The following SHROOM2 variants were observed in gnomAD, a reference collection of about 807,000 sequenced individuals.
The protein encoded by SHROOM2 is shroom family member 2, also known as protein Shroom2.
A neutral mutation model predicts 75.9 loss-of-function variants in SHROOM2; 33 were observed. The ratio of observed to expected loss-of-function variants is 0.43; its 90% CI spans 0.33 to 0.58. The LOEUF (loss-of-function observed/expected upper bound fraction) is 0.58, where lower values mean the gene tolerates loss of function less well. Ranked by LOEUF, SHROOM2 falls within the 20% of genes least tolerant of loss-of-function variation. The probability of loss-of-function intolerance (pLI) is 0.04; values close to 1 mark genes in which losing one functional copy is unlikely to be tolerated. For missense variants in SHROOM2, 1,434 were observed against 1,461.2 expected (o/e 0.98, Z 0.30); for synonymous variants, 655 against 663.6 (o/e 0.99, Z 0.20).
chrX:9,855,295 TAAAAAAAAA>T (rs57235424), intron 1 of SHROOM2, among the ~76,000 whole-genome samples: 7 of 39,299 alleles, frequency 1.8e-4, no homozygotes, highest in East Asian at 8.7e-4. Flanking sequence ...TAAAGTATAG[TAAAAAAAAA>T]AAAAAAAAAA....
Position 9,932,599 on chromosome X carries a change from G to A in SHROOM2, c.3316G>A (p.Val1106Met). 1.7e-6 allele frequency: 2 copies of A among 1,211,628 alleles called. No homozygotes were observed. The highest frequency in any genetic ancestry group is 1.1e-6 in the Non-Finnish European group (1 of 895,378). ...TPSPASLDVYVARLSLSHSPS... is the reference protein window; with the variant it reads ...TPSPASLDVYMARLSLSHSPS... ...ATCCCCTGCGTCCCTGGATGTGTATGTGGCCCGCCTGTCCCTCTCCCACAG... is the reference window on the plus strand; with the variant it reads ...ATCCCCTGCGTCCCTGGATGTGTATATGGCCCGCCTGTCCCTCTCCCACAG... The change falls in exon 6 of 10, where the codon GTG becomes ATG. Residue 1106 changes from valine (V) to methionine (M), a missense_variant. By Grantham distance (21) the Val-to-Met change is conservative. Transcript: ENST00000380913.
chrX:9,904,058 G>A (rs1226669898), intron 5 of SHROOM2, among the ~76,000 whole-genome samples: 1 of 111,452 alleles, frequency 9.0e-6, no homozygotes, highest in Non-Finnish European at 1.9e-5. Flanking sequence ...CAGGGAGGCA[G>A]ATCCACAAAG....
chrX:9,940,139 A>G (rs1450605385), intron 8 of SHROOM2, among the ~76,000 whole-genome samples: 1 of 111,840 alleles, frequency 8.9e-6, no homozygotes, highest in Admixed American at 9.5e-5. Flanking sequence ...TTAAGGGTTT[A>G]GGTCTTGGGG....
intron 1 of SHROOM2, among the ~76,000 whole-genome samples, chrX:9,801,815 C>T (rs1431384185): frequency 2.7e-5 from 3 of 109,435 alleles, no homozygotes; most frequent in African/African-American, 6.6e-5. Flanking sequence ...ATTAGCCAGG[C>T]GTTGGTGACT....
rs1035679943 is a variant in SHROOM2, at chrX:9,896,450, C to T, written c.2542C>T (p.Leu848Phe). The change falls in exon 4 of 10, where the codon CTT becomes TTT. Residue 848 changes from leucine to phenylalanine, a missense_variant. Around this residue, in one of 3 missense-constraint regions of SHROOM2, gnomAD observed 1,340 missense variants for 1,338.3 expected, o/e 1.00. Transcript: ENST00000380913. ...GTEPWSRTTS[L>F]GDSLNAHSAA... ...GGAGCCCTGGTCGCGCACCACCTCCCTTGGGGACAGCCTCAACGCTCACAG... is the reference window on the plus strand; with the variant it reads ...GGAGCCCTGGTCGCGCACCACCTCCTTTGGGGACAGCCTCAACGCTCACAG... The T allele has an allele frequency of 8.3e-7, 1 of 1,210,706 alleles. No individual in the cohort carries two copies. Among genetic ancestry groups the T allele is most frequent in the Non-Finnish European group, 1.1e-6 (1 of 895,265 alleles).
At chrX:9,912,097 C>G (rs1394201692) in intron 5 of SHROOM2, among the ~76,000 whole-genome samples, 1 of 85,562 alleles carries the variant, frequency 1.2e-5, no homozygotes, top group African/African-American at 4.6e-5. Context: ...AGAGCAAGAT[C>G]CTTTCTCCAA....
intron 1 of SHROOM2, among the ~76,000 whole-genome samples, chrX:9,791,899 G>A (rs1367611714): frequency 1.8e-5 from 2 of 108,129 alleles, no homozygotes; most frequent in African/African-American, 6.8e-5. Flanking sequence ...GGAGGCTCCC[G>A]GGAGGCAGAG....
chrX:9,860,653 A>ACCT (rs1376553165), intron 1 of SHROOM2, among the ~76,000 whole-genome samples: 1 of 111,564 alleles, frequency 9.0e-6, no homozygotes, highest in African/African-American at 3.3e-5. Flanking sequence ...TGAACTCCTG[A>ACCT]CCTCAAGTGA....
intron 1 of SHROOM2, among the ~76,000 whole-genome samples, chrX:9,802,633 G>T (rs1280506073): frequency 8.9e-6 from 1 of 111,791 alleles, no homozygotes; most frequent in Non-Finnish European, 1.9e-5. Context: ...TGAGAGTGGG[G>T]ACTGGCTCTG....
At chrX:9,835,489 ATGCCATC>A (rs2083939074) in intron 1 of SHROOM2, among the ~76,000 whole-genome samples, 1 of 112,463 alleles carries the variant, frequency 8.9e-6, no homozygotes. Flanking sequence ...GTTAATTCTT[ATGCCATC>A]TTACAGGGCC....
At chrX:9,873,350 G>C (rs2084181200) in intron 1 of SHROOM2, among the ~76,000 whole-genome samples, 1 of 112,545 alleles carries the variant, frequency 8.9e-6, no homozygotes, top group African/African-American at 3.2e-5. Flanking sequence ...ATTTAAAATG[G>C]TCAAAAATTA....
intron 1 of SHROOM2, among the ~76,000 whole-genome samples, chrX:9,851,446 C>CTTTTTTTTTTTTTTT (rs746715538): frequency 3.2e-5 from 2 of 63,181 alleles, no homozygotes; most frequent in Non-Finnish European, 2.8e-5. Flanking sequence ...CAGGATATTG[C>CTTTTTTTTTTTTTTT]TTTTTTTTTT....
chrX:9,835,566 C>T (rs986567005), intron 1 of SHROOM2, among the ~76,000 whole-genome samples: 3 of 112,393 alleles, frequency 2.7e-5, no homozygotes, highest in African/African-American at 9.7e-5. Flanking sequence ...TTGTATACCT[C>T]AAAGAAGGGT....
intron 1 of SHROOM2, among the ~76,000 whole-genome samples, chrX:9,856,553 T>C (rs2084071382): frequency 8.9e-6 from 1 of 111,977 alleles, no homozygotes; most frequent in Non-Finnish European, 1.9e-5. Context: ...TCTGGACTTA[T>C]ATAATGATGA....
chrX:9,823,255 T>A (rs1299632276), intron 1 of SHROOM2, among the ~76,000 whole-genome samples: 3 of 106,235 alleles, frequency 2.8e-5, no homozygotes, highest in African/African-American at 1.0e-4. Flanking sequence ...TTCTTCTTCA[T>A]ATTTTTAGAG....
chrX:9,919,345 T>C (rs1178537280), intron 5 of SHROOM2, among the ~76,000 whole-genome samples: 2 of 91,434 alleles, frequency 2.2e-5, no homozygotes, highest in Non-Finnish European at 4.3e-5. Flanking sequence ...TTTTTTTTTT[T>C]TTTTTGAGAT....
rs12012202 is a variant in SHROOM2, at chrX:9,944,752, A to G, written c.4423A>G (p.Ile1475Val). 0.028 allele frequency: 34,432 copies of G among 1,210,718 alleles called. 2,795 individuals are homozygous for G. The East Asian group carries it at 0.36, about 13-fold the overall frequency. Residue 1475 changes from isoleucine to valine, a missense_variant, in exon 9 of 10, where the codon ATC (isoleucine) becomes GTC (valine). Coordinates refer to ENST00000380913, the MANE Select transcript of SHROOM2 (RefSeq NM_001649.4). The part of the protein sequence containing the change: ...NTVLGAEVEA[I>V]VKGVCKPSEF... ...CGTGCTGGGGGCCGAGGTGGAGGCC[A>G]TCGTGAAAGGCGTCTGCAAGCCCAG... is the stretch of plus-strand genomic sequence containing the variant.
intron 2 of SHROOM2, among the ~76,000 whole-genome samples, chrX:9,875,447 G>A (rs2084195654): frequency 9.0e-6 from 1 of 111,508 alleles, no homozygotes; most frequent in Non-Finnish European, 1.9e-5. Flanking sequence ...TCATCATCCC[G>A]CTGCCAAGGC....
intron 6 of SHROOM2, among the ~76,000 whole-genome samples, chrX:9,933,617 C>CA (rs141637114): frequency 0.093 from 10,361 of 111,136 alleles, 457 homozygotes; most frequent in East Asian, 0.22. Context: ...ACTAAAACTA[C>CA]AAAAAATTAG....
Sources: allele counts gnomAD v4.1 joint callset (sites outside exome capture counted in the v4.1 genomes callset), GRCh38; gene constraint gnomAD v4.1.1; regional missense constraint gnomAD v4.1.1; transcripts MANE v1.5; gene names NCBI Gene and HGNC (gene_info 2026-07-23, HGNC 2026-07-21).